NALF1: variants seen among roughly 807,000 people sequenced by gnomAD.
NALF1 encodes the protein NALCN channel auxiliary factor 1.
NALF1 carries 3 observed loss-of-function variants against 48.4 expected under a neutral mutation model. That is an observed-to-expected ratio of 0.06 (90% confidence interval 0.03 to 0.16). The LOEUF is 0.16. Among genes scored for constraint, NALF1 ranks in the 10% least tolerant of loss-of-function variants. NALF1 has a pLI of 1.00. For missense variants in NALF1, 526 were observed against 571.5 expected (o/e 0.92, Z 0.81); for synonymous variants, 262 against 245.7 (o/e 1.07, Z -0.62).
chr13:107,432,467 G>A (rs1037699599), intron 1 of NALF1, among the ~76,000 whole-genome samples: 1 of 152,166 alleles, frequency 6.6e-6, no homozygotes, highest in African/African-American at 2.4e-5. Context: ...TAGTAATGAT[G>A]TTCAGGTTCT....
intron 1 of NALF1, among the ~76,000 whole-genome samples, chr13:107,844,793 A>G (rs1002935806): frequency 3.9e-5 from 6 of 152,176 alleles, no homozygotes; most frequent in Non-Finnish European, 7.3e-5. Flanking sequence ...ACAGAAAAAG[A>G]CCATAGCTAA....
intron 1 of NALF1, among the ~76,000 whole-genome samples, chr13:107,555,587 G>A (rs1336411451): frequency 3.3e-5 from 5 of 151,490 alleles, no homozygotes; most frequent in Admixed American, 2.6e-4. Context: ...GAGCTACCAC[G>A]CCCAGCCAGA....
At chr13:107,864,601 G>C (rs1302988634) in intron 1 of NALF1, among the ~76,000 whole-genome samples, 1 of 152,146 alleles carries the variant, frequency 6.6e-6, no homozygotes, top group South Asian at 2.1e-4. Context: ...CCCGTTTATT[G>C]TGTTGTGTAA....
chr13:107,391,754 G>A (rs1044860278), intron 1 of NALF1, among the ~76,000 whole-genome samples: 74 of 152,150 alleles, frequency 4.9e-4, no homozygotes, highest in African/African-American at 1.4e-3. Context: ...GGAAGCACCC[G>A]CCCTGCCCCC....
At chr13:107,304,960 A>G (rs940418255) in intron 1 of NALF1, among the ~76,000 whole-genome samples, 3 of 152,258 alleles carry the variant, frequency 2.0e-5, no homozygotes, top group African/African-American at 7.2e-5. Flanking sequence ...CTGAATACAA[A>G]ATGACAATAA....
chr13:107,181,478 T>A (rs1879059496), intron 2 of NALF1, among the ~76,000 whole-genome samples: 1 of 151,984 alleles, frequency 6.6e-6, no homozygotes, highest in South Asian at 2.1e-4. Context: ...GCTTTTTTGC[T>A]GTGTTTTGTT....
At chr13:107,763,158 T>G (rs1187041257) in intron 1 of NALF1, among the ~76,000 whole-genome samples, 1 of 152,076 alleles carries the variant, frequency 6.6e-6, no homozygotes, top group Non-Finnish European at 1.5e-5. Flanking sequence ...TAAAATCTTT[T>G]AAAGTAAACA....
chr13:107,373,659 C>T (rs892920617), intron 1 of NALF1, among the ~76,000 whole-genome samples: 1 of 152,238 alleles, frequency 6.6e-6, no homozygotes, highest in Admixed American at 6.5e-5. Context: ...TCACGCCTTT[C>T]TAAGCATCAA....
chr13:107,446,434 C>CAT (rs1491162708), intron 1 of NALF1, among the ~76,000 whole-genome samples: 1 of 149,986 alleles, frequency 6.7e-6, no homozygotes, highest in Admixed American at 6.6e-5. Flanking sequence ...CACACACACA[C>CAT]ATATTTTTAC....
intron 2 of NALF1, among the ~76,000 whole-genome samples, chr13:107,178,617 T>C (rs1289451497): frequency 6.6e-6 from 1 of 152,032 alleles, no homozygotes; most frequent in Non-Finnish European, 1.5e-5. Flanking sequence ...AGTAGTACAG[T>C]CACTATGGAG....
At chr13:107,674,565 T>G (rs969342961) in intron 1 of NALF1, among the ~76,000 whole-genome samples, 1 of 152,220 alleles carries the variant, frequency 6.6e-6, no homozygotes, top group Non-Finnish European at 1.5e-5. Context: ...GAGTCCATTC[T>G]ACTTGCCATG....
At chr13:107,626,179 C>T (rs1879669483) in intron 1 of NALF1, among the ~76,000 whole-genome samples, 1 of 151,972 alleles carries the variant, frequency 6.6e-6, no homozygotes, top group African/African-American at 2.4e-5. Context: ...ATAAGTCTAT[C>T]ATAATCACGT....
At chr13:107,343,034 A>C (rs1353949149) in intron 1 of NALF1, among the ~76,000 whole-genome samples, 1 of 152,216 alleles carries the variant, frequency 6.6e-6, no homozygotes, top group Non-Finnish European at 1.5e-5. Flanking sequence ...TGAACTTAAC[A>C]GACATGTATA....
chr13:107,469,060 C>A (rs913367725), intron 1 of NALF1, among the ~76,000 whole-genome samples: 1 of 151,860 alleles, frequency 6.6e-6, no homozygotes, highest in Non-Finnish European at 1.5e-5. Flanking sequence ...TTACTTTTAC[C>A]GATATACTCA....
intron 1 of NALF1, among the ~76,000 whole-genome samples, chr13:107,304,449 G>A (rs1024175926): frequency 6.6e-6 from 1 of 152,142 alleles, no homozygotes; most frequent in East Asian, 1.9e-4. Context: ...AAAGAACTTG[G>A]ATGTGTTATC....
chr13:107,351,761 A>G (rs975569713), intron 1 of NALF1, among the ~76,000 whole-genome samples: 1 of 152,128 alleles, frequency 6.6e-6, no homozygotes, highest in Non-Finnish European at 1.5e-5. Flanking sequence ...AATTTTCTCT[A>G]GTGTCTTTTT....
intron 1 of NALF1, among the ~76,000 whole-genome samples, chr13:107,783,071 TCAGCCCCCTGCCCGGC>T (rs1212722123): frequency 7.9e-6 from 1 of 126,268 alleles, no homozygotes; most frequent in African/African-American, 3.3e-5. Flanking sequence ...GGTGGGGGGG[TCAGCCCCCTGCCCGGC>T]CAGCCGCCTC....
At chr13:107,725,324 T>C (rs537047676) in intron 1 of NALF1, among the ~76,000 whole-genome samples, 160 of 152,308 alleles carry the variant, frequency 1.1e-3, no homozygotes, top group African/African-American at 3.8e-3. Context: ...TGCCCAGTAA[T>C]TATAATAATA....
At chr13:107,590,024 T>C (rs540089214) in intron 1 of NALF1, among the ~76,000 whole-genome samples, 6 of 152,146 alleles carry the variant, frequency 3.9e-5, no homozygotes, top group African/African-American at 1.2e-4. Context: ...GTACTTGTTC[T>C]TGGTTGGCAG....
Sources: allele counts gnomAD v4.1 joint callset (sites outside exome capture counted in the v4.1 genomes callset), GRCh38; gene constraint gnomAD v4.1.1; transcripts MANE v1.5; gene names NCBI Gene and HGNC (gene_info 2026-07-23, HGNC 2026-07-21).